FBXW11: variants seen among roughly 807,000 people sequenced by gnomAD.
The protein encoded by FBXW11 is F-box and WD repeat domain containing 11.
In FBXW11, 19 loss-of-function variants were observed where a neutral mutation model predicts 77.6. That is an observed-to-expected ratio of 0.24 (90% confidence interval 0.17 to 0.36). The LOEUF is 0.36. FBXW11 is among the 10% of genes least tolerant of loss of function. The pLI is 1.00. For missense variants in FBXW11, 334 were observed against 704.2 expected, an observed-to-expected ratio of 0.47 and a Z score of 5.95; for synonymous variants, 235 against 249.4, an observed-to-expected ratio of 0.94 and a Z score of 0.54.
chr5:171,924,221 C>G (rs1188884229), intron 2 of FBXW11, among the ~76,000 whole-genome samples: 1 of 152,024 alleles, frequency 6.6e-6, no homozygotes, highest in Non-Finnish European at 1.5e-5. Flanking sequence ...TGCACCCAGC[C>G]AAAACCCCAC....
chr5:171,876,615 C>A lies in FBXW11; in HGVS notation c.972-81G>T. On this transcript the variant is annotated intron_variant, in intron 8 of 13. Coordinates refer to ENST00000517395, the MANE Select transcript of FBXW11 (RefSeq NM_001378974.1). This position sits in a 1 kb window ranked among gnomAD's most constrained non-coding sequence, Gnocchi z 4.2. ...TCTGGTATCTGAGCTCTGTCTGGGT[C>A]TGCAATGGTTTGGATATAGTTTGTC... 1 of 1,538,842 alleles carries A rather than the reference C, an allele frequency of 6.5e-7. No individual in the cohort carries two copies. Among genetic ancestry groups the A allele is most frequent in the South Asian group, 1.2e-5 (1 of 83,066 alleles).
intron 1 of FBXW11, among the ~76,000 whole-genome samples, chr5:171,967,411 T>C (rs182514894): frequency 7.9e-5 from 12 of 152,282 alleles, no homozygotes. Context: ...TATACGAATA[T>C]ATTTACAGAC....
In FBXW11 at chr5:171,872,996, T is replaced by C; in HGVS notation, c.1222-6A>G. 4.4e-6 allele frequency: 7 copies of C among 1,603,756 alleles called. No individual in the cohort carries two copies. Among genetic ancestry groups the C allele is most frequent in the Non-Finnish European group, 5.1e-6 (6 of 1,171,478 alleles). ...CAGGTGCTCGTGCTCCAGACCTGTA[T>C]AACAAATTAACAGTATTTTAAAGAA... is the stretch of plus-strand genomic sequence containing the variant. On this transcript the variant is annotated splice_polypyrimidine_tract_variant and splice_region_variant and intron_variant, in intron 9 of 13. Coordinates refer to ENST00000517395, the MANE Select transcript of FBXW11 (RefSeq NM_001378974.1).
chr5:171,882,413 C>T (rs1323013675), intron 7 of FBXW11, among the ~76,000 whole-genome samples: 4 of 152,180 alleles, frequency 2.6e-5, no homozygotes, highest in Non-Finnish European at 5.9e-5. Flanking sequence ...GTGATCCTCC[C>T]ACCTCAGCCT....
chr5:171,886,423 G>C (rs1487653370), intron 7 of FBXW11, among the ~76,000 whole-genome samples: 1 of 149,516 alleles, frequency 6.7e-6, no homozygotes, highest in African/African-American at 2.5e-5. Flanking sequence ...GGCCTGTTGT[G>C]GGGTTGGGGG....
intron 2 of FBXW11, among the ~76,000 whole-genome samples, chr5:171,927,786 C>T (rs890126059): frequency 6.6e-5 from 10 of 152,180 alleles, no homozygotes; most frequent in African/African-American, 2.4e-4. Context: ...AAACACAACA[C>T]TGTAATGAAC....
chr5:171,963,861 G>C (rs1272949144), intron 1 of FBXW11, among the ~76,000 whole-genome samples: 1 of 152,194 alleles, frequency 6.6e-6, no homozygotes, highest in African/African-American at 2.4e-5. Flanking sequence ...CAATGACAAA[G>C]AGTGTAAGCA....
rs966697765 is a variant in FBXW11 at position 171,923,910 on chromosome 5, T to C, written c.148-9505A>G. 0.024 allele frequency among the ~76,000 whole-genome samples: 22 copies of C among 932 alleles called. No homozygotes were observed. In the South Asian group the frequency reaches 0.38, roughly 16 times the overall value. The allele number at this position is 932 out of a possible 152,430, so 0.6% of individuals were successfully genotyped here. On this transcript the variant is annotated intron_variant, in intron 2 of 13. Coordinates refer to ENST00000517395, the MANE Select transcript of FBXW11 (RefSeq NM_001378974.1). Reference sequence around the variant, plus strand: ...GGAGGGTCCGCGGTGAAACCCCACCTTTTTTTTTTTTTTTTTTTTTTTTTT... The same window carrying C: ...GGAGGGTCCGCGGTGAAACCCCACCCTTTTTTTTTTTTTTTTTTTTTTTTT...
intron 3 of FBXW11, among the ~76,000 whole-genome samples, chr5:171,911,140 G>A (rs528681254): frequency 1.3e-5 from 2 of 152,342 alleles, no homozygotes; most frequent in East Asian, 1.9e-4. Flanking sequence ...GATAGCTAAT[G>A]CTGGAGATAA....
chr5:172,005,570 C>G (rs1766690030), intron 1 of FBXW11, among the ~76,000 whole-genome samples: 1 of 152,156 alleles, frequency 6.6e-6, no homozygotes, highest in African/African-American at 2.4e-5. Context: ...GGAGGGTGTC[C>G]ACGGACCGGG....
chr5:171,996,248 C>T (rs931936701), intron 1 of FBXW11, among the ~76,000 whole-genome samples: 2 of 152,200 alleles, frequency 1.3e-5, no homozygotes, highest in Non-Finnish European at 2.9e-5. Context: ...TTATATAAAT[C>T]ATGTGAGAAT....
At chr5:171,949,333 T>A (rs1035913718) in intron 2 of FBXW11, among the ~76,000 whole-genome samples, 2 of 152,050 alleles carry the variant, frequency 1.3e-5, no homozygotes, top group African/African-American at 4.8e-5. Flanking sequence ...ACTAGATCAG[T>A]AAATAGTATG....
intron 2 of FBXW11, among the ~76,000 whole-genome samples, chr5:171,957,353 G>C (rs985228876): frequency 6.6e-6 from 1 of 152,114 alleles, no homozygotes; most frequent in African/African-American, 2.4e-5. Context: ...CTCAAGGTGA[G>C]GGGAAAAGAG....
rs146426913 is a variant in FBXW11, at chr5:172,005,189, A to T, written c.45+1269T>A. Among the ~76,000 whole-genome samples the T allele has an allele frequency of 2.6e-5, 4 of 152,288 alleles. No homozygotes were observed. The East Asian group carries it at 7.7e-4, about 29-fold the overall frequency. ...TACCCAGTGGAATCACTGACTCAAT[A>T]AACATTTTCACACTGAAGAAAATCT... On this transcript the variant is annotated intron_variant, in intron 1 of 13. Coordinates refer to ENST00000517395, the MANE Select transcript of FBXW11 (RefSeq NM_001378974.1).
At chr5:172,001,499 AG>A (rs1167259372) in intron 1 of FBXW11, among the ~76,000 whole-genome samples, 7 of 152,240 alleles carry the variant, frequency 4.6e-5, no homozygotes, top group Non-Finnish European at 8.8e-5. Flanking sequence ...GTGTGTATGA[AG>A]GAACTGTGTG....
chr5:171,881,485 T>C (rs1222092100), intron 7 of FBXW11, among the ~76,000 whole-genome samples: 2 of 152,252 alleles, frequency 1.3e-5, no homozygotes, highest in African/African-American at 2.4e-5. Context: ...CTTTGGCTTA[T>C]TGATATGACG....
chr5:171,917,953 T>C (rs1379789031), intron 2 of FBXW11, among the ~76,000 whole-genome samples: 1 of 152,098 alleles, frequency 6.6e-6, no homozygotes, highest in Non-Finnish European at 1.5e-5. Flanking sequence ...TTGTTGGACA[T>C]GGACAGCCCC....
At position 171,941,172 on chromosome 5, in the gene FBXW11, ATC is replaced by A. The variant is rs1762734630; in HGVS notation, c.147+16423_147+16424del. Among the ~76,000 whole-genome samples the A allele has an allele frequency of 3.9e-5, 6 of 152,332 alleles. No homozygotes were observed. The East Asian group carries it at 1.2e-3, about 29-fold the overall frequency. On this transcript the variant is annotated intron_variant, in intron 2 of 13. Transcript: ENST00000517395. ...TGATAGACATTTCCTTACTCAAGTG[ATC>A]TAAGTGATCACCATTCTGAATGAGA...
At chr5:171,884,998 T>A (rs1175507581) in intron 7 of FBXW11, among the ~76,000 whole-genome samples, 5 of 152,218 alleles carry the variant, frequency 3.3e-5, no homozygotes, top group African/African-American at 1.2e-4. Flanking sequence ...CTGAGTCTTT[T>A]AGTGAGCCTA....
Sources: gnomAD v4.1 joint callset for allele counts (sites outside exome capture counted in the v4.1 genomes callset) on GRCh38, gnomAD v4.1.1 for gene constraint, Gnocchi (gnomAD v3.1) non-coding constraint, MANE v1.5 for transcripts, NCBI Gene and HGNC (gene_info 2026-07-23, HGNC 2026-07-21) for gene names.